The following SPAG1 variants were observed in gnomAD, a reference collection of about 807,000 sequenced individuals.
SPAG1 encodes sperm-associated antigen 1.
SPAG1 carries 69 observed loss-of-function variants against 100.5 expected under a neutral mutation model. The observed-to-expected ratio is 0.69, with a 90% confidence interval of 0.57 to 0.84. The LOEUF is 0.84. SPAG1 is among the 40% of genes least tolerant of loss of function. The pLI is 0.00. For synonymous variants in SPAG1, 336 were observed against 411.6 expected, an observed-to-expected ratio of 0.82 and a Z score of 2.22; for missense variants, 955 against 1,133.1, an observed-to-expected ratio of 0.84 and a Z score of 2.26.
intron 3 of SPAG1, among the ~76,000 whole-genome samples, chr8:100,172,337 G>A (rs1266658845): frequency 6.6e-6 from 1 of 152,018 alleles, no homozygotes; most frequent in Non-Finnish European, 1.5e-5. Context: ...TTATTTTTGG[G>A]CTGGGCACGA....
At chr8:100,170,785 T>G (rs930473299) in intron 3 of SPAG1, among the ~76,000 whole-genome samples, 27 of 151,500 alleles carry the variant, frequency 1.8e-4, no homozygotes, top group Admixed American at 9.2e-4. Flanking sequence ...GAGATGTGCT[T>G]CTTTTCCAGT....
At position 100,187,264 on chromosome 8, in the gene SPAG1, T is replaced by C. The variant is rs184311132; in HGVS notation, c.832+14T>C. 7.5e-6 allele frequency: 12 copies of C among 1,590,258 alleles called. No individual in the cohort carries two copies. Among genetic ancestry groups the C allele is most frequent in the African/African-American group, 5.4e-5 (4 of 74,118 alleles). On this transcript the variant is annotated intron_variant, in intron 8 of 18. Coordinates refer to ENST00000388798, the MANE Select transcript of SPAG1 (RefSeq NM_003114.5). ...GAAACGTAAAGGGTAAAAAATATTATAGAATTCTTTTACATTTACAGCAGG... is the reference window on the plus strand; with the variant it reads ...GAAACGTAAAGGGTAAAAAATATTACAGAATTCTTTTACATTTACAGCAGG...
At chr8:100,184,163 T>A in intron 6 of SPAG1, 101 bp downstream of exon 6, 1 of 492,340 alleles carries the variant, frequency 2.0e-6, no homozygotes, top group East Asian at 3.6e-5. Flanking sequence ...CTGCACAGAT[T>A]ACCATGAAAA....
intron 12 of SPAG1, among the ~76,000 whole-genome samples, chr8:100,218,068 AG>A (rs1325075828): frequency 6.6e-6 from 1 of 152,188 alleles, no homozygotes; most frequent in African/African-American, 2.4e-5. Context: ...GATTACATAC[AG>A]GCTTGAGCCA....
chr8:100,174,092 G>C (rs1233251474), intron 3 of SPAG1, among the ~76,000 whole-genome samples: 4 of 152,112 alleles, frequency 2.6e-5, no homozygotes, highest in Non-Finnish European at 5.9e-5. Flanking sequence ...AACACAAGGA[G>C]TTAGGGGCGC....
At chr8:100,232,390 C>G (rs1361006570) in intron 15 of SPAG1, among the ~76,000 whole-genome samples, 2 of 152,086 alleles carry the variant, frequency 1.3e-5, no homozygotes, top group Non-Finnish European at 2.9e-5. Flanking sequence ...CCATTCCATC[C>G]TCTCCCCAGG....
intron 8 of SPAG1, 22 bp downstream of exon 8, chr8:100,187,272 TTTTACA>T (rs1563782351): frequency 6.3e-7 from 1 of 1,581,120 alleles, no homozygotes; most frequent in Non-Finnish European, 8.6e-7. Context: ...TATAGAATTC[TTTTACA>T]TTTACAGCAG....
chr8:100,177,913 G>T lies in SPAG1; in HGVS notation c.398G>T (p.Gly133Val). Residue 133 changes from glycine to valine, a missense_variant, in exon 4 of 19, where the codon GGT becomes GTT. By Grantham distance (109) the Gly-to-Val change is moderately radical (BLOSUM62 -3). Transcript: ENST00000388798. ...AAAGATAATTTGCCTCCAGTTCGTG[G>T]TTCAAACAGCTGTCTTCATGTAGGC... ...AMKDNLPPVR[G>V]SNSCLHVGKE... 6.2e-7 allele frequency: 1 copy of T among 1,612,862 alleles called. No individual in the cohort carries two copies. The highest frequency in any genetic ancestry group is 8.5e-7 in the Non-Finnish European group (1 of 1,179,008).
chr8:100,191,503 A>G lies in SPAG1; in HGVS notation c.939+7A>G, dbSNP rs201441688. 1.3e-6 allele frequency: 2 copies of G among 1,566,328 alleles called. No individual in the cohort carries two copies. Among genetic ancestry groups the G allele is most frequent in the Admixed American group, 3.4e-5 (2 of 59,170 alleles). ...TGATAATGATTTGGCCAAGGTAAGT[A>G]TAGAATGTGATTTCTCACCTAATTC... On this transcript the variant is annotated splice_region_variant and intron_variant, in intron 9 of 18. Transcript: ENST00000388798.
At chr8:100,189,113 C>T (rs866460518) in intron 8 of SPAG1, among the ~76,000 whole-genome samples, 1 of 151,728 alleles carries the variant, frequency 6.6e-6, no homozygotes, top group Non-Finnish European at 1.5e-5. Flanking sequence ...GGGCAGATCA[C>T]CTGAGGTTAG....
In SPAG1 at chr8:100,206,017, C is replaced by CA. The variant is rs574907013; in HGVS notation, c.1097-7035dup. Among the ~76,000 whole-genome samples, 444 of 77,330 alleles carry CA rather than the reference C, an allele frequency of 5.7e-3. 68 individuals carry two copies. Among genetic ancestry groups the CA allele is most frequent in the African/African-American group, 6.4e-3 (128 of 19,946 alleles). 50.7% of individuals were successfully genotyped at this position (77,330 alleles called of 152,430 possible). A position where few individuals can be genotyped will look rare whatever the true frequency, so the allele number is the denominator to read the frequency against. On this transcript the variant is annotated intron_variant, in intron 10 of 18. Transcript: ENST00000388798. Reference sequence around the variant, plus strand: ...CTGGCGACAGAGTGAGACTCTGTCTCAAAAAAAAAAAAAAAAAAAAAAAAA... The same window carrying CA: ...CTGGCGACAGAGTGAGACTCTGTCTCAAAAAAAAAAAAAAAAAAAAAAAAAA...
In SPAG1 at chr8:100,182,250, T is replaced by C. The variant is rs147090733; in HGVS notation, c.427-1125T>C. ...TATTGTTTGCCTTTCTCTCATTCTGTTCTGGTGCAGAACCTGCCCTCTGTC... is the reference window on the plus strand; with the variant it reads ...TATTGTTTGCCTTTCTCTCATTCTGCTCTGGTGCAGAACCTGCCCTCTGTC... On this transcript the variant is annotated intron_variant, in intron 4 of 18. Coordinates refer to ENST00000388798, the MANE Select transcript of SPAG1 (RefSeq NM_003114.5). 5.3e-3 allele frequency among the ~76,000 whole-genome samples: 815 copies of C among 152,370 alleles called. 1 individual carries two copies. The highest frequency in any genetic ancestry group is 0.01 in the Admixed American group (160 of 15,312).
Position 100,241,008 on chromosome 8 carries a change from C to T in SPAG1, c.2767C>T (p.Gln923Ter), listed in dbSNP as rs1424531406. ...AGAAGATATACAGGCCCTAAAAAGGCAGTATGAGCTTTAAATCAAGATAAT... is the reference window on the plus strand; with the variant it reads ...AGAAGATATACAGGCCCTAAAAAGGTAGTATGAGCTTTAAATCAAGATAAT... ...TLEDIQALKR[Q>*]YEL Residue 923 changes from glutamine to a stop codon, truncating the protein, a stop_gained, in exon 19 of 19, where the codon CAG (glutamine) becomes TAG (stop). Coordinates refer to ENST00000388798, the MANE Select transcript of SPAG1 (RefSeq NM_003114.5). LOFTEE classifies it high-confidence loss of function. The surrounding 1 kb of genome is among the most constrained non-coding windows in gnomAD (Gnocchi z 5.1). The T allele has an allele frequency of 5.0e-6, 8 of 1,610,812 alleles. No homozygotes were observed. In the East Asian group the frequency reaches 1.8e-4, roughly 36 times the overall value.
intron 3 of SPAG1, among the ~76,000 whole-genome samples, chr8:100,168,687 C>CTT (rs747506730): frequency 3.1e-5 from 3 of 95,682 alleles, no homozygotes; most frequent in Non-Finnish European, 3.9e-5. Context: ...GCCCAGCCAT[C>CTT]TTTTTTTTTT....
chr8:100,205,154 CTT>C (rs2132324394), intron 10 of SPAG1, among the ~76,000 whole-genome samples: 1 of 152,254 alleles, frequency 6.6e-6, no homozygotes, highest in East Asian at 1.9e-4. Flanking sequence ...AATTTCCAGA[CTT>C]GAGCCAGTTT....
At chr8:100,216,978 C>G (rs183413769) in intron 12 of SPAG1, among the ~76,000 whole-genome samples, 1 of 135,226 alleles carries the variant, frequency 7.4e-6, no homozygotes, top group Non-Finnish European at 1.5e-5. Context: ...GCTCTGTCCC[C>G]GAGGCTGGAG....
At chr8:100,199,903 T>G (rs894052624) in intron 10 of SPAG1, among the ~76,000 whole-genome samples, 8 of 152,282 alleles carry the variant, frequency 5.3e-5, no homozygotes, top group Admixed American at 4.6e-4. Context: ...TTTCCTTTGA[T>G]GCAGAAGTTT....
Position 100,194,268 on chromosome 8 carries a change from A to G in SPAG1, c.1096A>G (p.Lys366Glu), listed in dbSNP as rs747483177. The G allele has an allele frequency of 1.9e-6, 3 of 1,607,580 alleles. No individual in the cohort carries two copies. The highest frequency in any genetic ancestry group is 1.7e-5 in the Admixed American group (1 of 59,788). ...ACATGAAGATGGCGGTGGAGATAAG[A>G]GTAAAATATTTTTTCTATTTAGGTT... is the stretch of plus-strand genomic sequence containing the variant. ...RKHEDGGGDK[K>E]PAEPAGAARA... The change falls in exon 10 of 19, where the codon AAG (lysine) becomes GAG (glutamate). Residue 366 changes from lysine (K) to glutamate (E), a missense_variant and splice_region_variant. By Grantham distance (56) the Lys-to-Glu change is moderately conservative. Transcript: ENST00000388798.
In SPAG1 at chr8:100,241,727, TTA is replaced by T. The variant is rs1278475286; in HGVS notation, c.*709_*710del. ...GTATTAAAGCAAACTAAGCCTGCAT[TTA>T]TATCTGAATTATTACCTCCATATTT... On this transcript the variant is annotated 3_prime_UTR_variant, in exon 19 of 19. Coordinates refer to ENST00000388798, the MANE Select transcript of SPAG1 (RefSeq NM_003114.5). The surrounding 1 kb of genome is among the most constrained non-coding windows in gnomAD (Gnocchi z 5.1). 6.6e-6 allele frequency: 1 copy of T among 152,194 alleles called. No individual in the cohort carries two copies. Among genetic ancestry groups the T allele is most frequent in the African/African-American group, 2.4e-5 (1 of 41,460 alleles). 9.4% of individuals were successfully genotyped at this position (152,194 alleles called of 1,614,324 possible).
Sources: gnomAD v4.1 joint callset for allele counts (sites outside exome capture counted in the v4.1 genomes callset) on GRCh38, gnomAD v4.1.1 for gene constraint, Gnocchi (gnomAD v3.1) non-coding constraint, MANE v1.5 for transcripts, NCBI Gene and HGNC (gene_info 2026-07-23, HGNC 2026-07-21) for gene names.